The following CTNNA2 variants were observed in gnomAD, a reference collection of about 807,000 sequenced individuals.
The protein encoded by CTNNA2 is catenin alpha 2, also known as catenin alpha-2.
A neutral mutation model predicts 101.0 loss-of-function variants in CTNNA2; 42 were observed. That is an observed-to-expected ratio of 0.42 (90% CI 0.32 to 0.54). The LOEUF is 0.54. Ranked by LOEUF, CTNNA2 falls within the 20% of genes least tolerant of loss-of-function variation. The probability of loss-of-function intolerance (pLI) is 0.14; values close to 1 mark genes in which losing one functional copy is unlikely to be tolerated. For synonymous variants in CTNNA2, 450 were observed against 456.4 expected (o/e 0.99, Z 0.18); for missense variants, 871 against 1,223.1 (o/e 0.71, Z 4.29).
chr2:79,664,339 T>C (rs577648126), intron 2 of CTNNA2, among the ~76,000 whole-genome samples: 1 of 152,318 alleles, frequency 6.6e-6, no homozygotes, highest in African/African-American at 2.4e-5. Flanking sequence ...TTTATGAACC[T>C]TAAATATGAT....
chr2:79,262,065 C>A (rs1434041359), intron 2 of CTNNA2, among the ~76,000 whole-genome samples: 3 of 152,222 alleles, frequency 2.0e-5, no homozygotes, highest in East Asian at 1.9e-4. Flanking sequence ...TAAGATTAGC[C>A]ACAGAGATTT....
At chr2:79,509,156 G>A (rs996032827), upstream of CTNNA2, among the ~76,000 whole-genome samples, 1 of 151,840 alleles carries the variant, frequency 6.6e-6, no homozygotes, top group Non-Finnish European at 1.5e-5. Flanking sequence ...CGACAAAAGT[G>A]AAAGTTTCAT....
intron 1 of CTNNA2, among the ~76,000 whole-genome samples, chr2:79,558,015 T>G (rs1051994648): frequency 7.2e-5 from 11 of 152,084 alleles, no homozygotes; most frequent in East Asian, 5.8e-4. Context: ...TTTACACACA[T>G]AGAGATTTAT....
rs373062863 is a variant in CTNNA2 at position 79,248,538 on chromosome 2, C to A, written c.-406+50462C>A. Among the ~76,000 whole-genome samples, 67 of 152,188 alleles carry A rather than the reference C, an allele frequency of 4.4e-4. No homozygotes were observed. In the South Asian group the frequency reaches 0.014, roughly 31 times the overall value. On this transcript the variant is annotated intron_variant, in intron 2 of 21. Coordinates refer to the CTNNA2 transcript ENST00000466387. Reference sequence around the variant, plus strand: ...CTGGATGGTCACATGTATCCAGGGGCTACCATATTGAGGAGTGCAGGCCTA... The same window carrying A: ...CTGGATGGTCACATGTATCCAGGGGATACCATATTGAGGAGTGCAGGCCTA...
At chr2:79,840,385 A>G (rs1457859796) in intron 3 of CTNNA2, among the ~76,000 whole-genome samples, 1 of 152,244 alleles carries the variant, frequency 6.6e-6, no homozygotes, top group East Asian at 1.9e-4. Flanking sequence ...CTCTAAAGTT[A>G]CCAGTACTTC....
chr2:79,762,970 T>G (rs889838060), intron 3 of CTNNA2, among the ~76,000 whole-genome samples: 5 of 152,200 alleles, frequency 3.3e-5, no homozygotes, highest in African/African-American at 1.2e-4. Context: ...AAACTGTTTT[T>G]CAGAATTAGC....
In CTNNA2 at chr2:79,188,298, T is replaced by C. The variant is rs139034713; in HGVS notation, c.-524+2867T>C. ...GTTTTTGTTGCTGGGCTGGACCATA[T>C]AGAAAATCTTTTTCCTAAATTGGTC... On this transcript the variant is annotated intron_variant, in intron 1 of 21. Coordinates refer to the CTNNA2 transcript ENST00000466387. 1.5e-3 allele frequency among the ~76,000 whole-genome samples: 225 copies of C among 145,196 alleles called. 4 individuals are homozygous for C. The highest frequency in any genetic ancestry group is 3.6e-4 in the Non-Finnish European group (24 of 66,952).
intron 16 of CTNNA2, among the ~76,000 whole-genome samples, chr2:80,606,411 C>CAT (rs1375330914): frequency 2.0e-4 from 9 of 44,040 alleles, no homozygotes; most frequent in Non-Finnish European, 3.2e-4. Flanking sequence ...CACACACACA[C>CAT]ACCCCCCAGG....
At position 79,909,596 on chromosome 2, in the gene CTNNA2, T is replaced by C. The variant is rs1685651444; in HGVS notation, c.855T>C (p.Asn285=). Residue 285 remains asparagine (N), a splice_region_variant and synonymous_variant, in exon 7 of 19, where the codon AAT becomes AAC. Coordinates refer to ENST00000402739, the MANE Select transcript of CTNNA2 (RefSeq NM_001282597.3). ...GTGTGTGTGTGTGATACTTTCAGAA[T>C]AAGATTATCCTGGACCCCATGACGT... ...ELAAALNEFD[N]KIILDPMTFS... The C allele has an allele frequency of 1.2e-6, 2 of 1,602,636 alleles. No individual in the cohort carries two copies. Among genetic ancestry groups the C allele is most frequent in the Non-Finnish European group, 1.7e-6 (2 of 1,171,398 alleles).
At chr2:80,629,242 A>C (rs1672021148) in intron 18 of CTNNA2, among the ~76,000 whole-genome samples, 1 of 152,126 alleles carries the variant, frequency 6.6e-6, no homozygotes, top group Non-Finnish European at 1.5e-5. Flanking sequence ...TGAGCAACCA[A>C]CGAATCAAGG....
intron 7 of CTNNA2, among the ~76,000 whole-genome samples, chr2:80,059,504 T>G (rs1572966371): frequency 6.6e-6 from 1 of 152,032 alleles, no homozygotes; most frequent in Non-Finnish European, 1.5e-5. Context: ...TTTACTGGAG[T>G]CTCCCGGATT....
At chr2:80,306,522 A>G (rs749550501) in intron 7 of CTNNA2, among the ~76,000 whole-genome samples, 2 of 149,576 alleles carry the variant, frequency 1.3e-5, no homozygotes, top group Admixed American at 1.3e-4. Flanking sequence ...CTTGCTGCCT[A>G]CCTAACTCTG....
chr2:79,776,419 T>C (rs1673968021), intron 3 of CTNNA2, among the ~76,000 whole-genome samples: 1 of 152,208 alleles, frequency 6.6e-6, no homozygotes, highest in African/African-American at 2.4e-5. Flanking sequence ...TCTAAGCTTA[T>C]ATTCTTTAGA....
At chr2:80,133,443 T>G (rs1702520605) in intron 7 of CTNNA2, among the ~76,000 whole-genome samples, 1 of 152,194 alleles carries the variant, frequency 6.6e-6, no homozygotes, top group Admixed American at 6.5e-5. Flanking sequence ...ATATTTTATT[T>G]AACTCATAAT....
chr2:80,003,762 T>G (rs906297148), intron 7 of CTNNA2, among the ~76,000 whole-genome samples: 1 of 152,246 alleles, frequency 6.6e-6, no homozygotes, highest in East Asian at 1.9e-4. Context: ...TCACTCTAAA[T>G]CACAGATTTC....
chr2:79,222,465 C>T (rs1674357539), intron 2 of CTNNA2, among the ~76,000 whole-genome samples: 3 of 152,114 alleles, frequency 2.0e-5, no homozygotes, highest in South Asian at 4.1e-4. Context: ...TGCCACGTGG[C>T]AGTGAGGAGC....
At chr2:80,340,425 C>G (rs970199091) in intron 7 of CTNNA2, among the ~76,000 whole-genome samples, 1 of 152,172 alleles carries the variant, frequency 6.6e-6, no homozygotes, top group Non-Finnish European at 1.5e-5. Context: ...TGTGAATACC[C>G]TCTTATAATG....
intron 1 of CTNNA2, among the ~76,000 whole-genome samples, chr2:79,521,721 G>A (rs1672130969): frequency 6.6e-6 from 1 of 152,164 alleles, no homozygotes; most frequent in Non-Finnish European, 1.5e-5. Context: ...TTGTTCTCAG[G>A]TTTTGGCAAG....
At position 80,634,998 on chromosome 2, in the gene CTNNA2, G is replaced by C. The variant is rs17040697; in HGVS notation, c.2575-12587G>C. ...GGTTGGGAACAGTCTACAAGAAAAG[G>C]CTTACGGATGCTTAGATCATTCTCT... On this transcript the variant is annotated intron_variant, in intron 18 of 18. Transcript: ENST00000402739. 4.7e-3 allele frequency among the ~76,000 whole-genome samples: 717 copies of C among 152,216 alleles called. 6 individuals are homozygous for C. Among genetic ancestry groups the C allele is most frequent in the African/African-American group, 0.017 (693 of 41,544 alleles).
Sources: allele counts gnomAD v4.1 joint callset (sites outside exome capture counted in the v4.1 genomes callset), GRCh38; gene constraint gnomAD v4.1.1; transcripts MANE v1.5; gene names NCBI Gene and HGNC (gene_info 2026-07-23, HGNC 2026-07-21).